TKTL1: variants seen among roughly 807,000 people sequenced by gnomAD.
TKTL1 encodes the protein transketolase like 1.
A neutral mutation model predicts 39.3 loss-of-function variants in TKTL1; 1 was observed. That is an observed-to-expected ratio of 0.03 (90% confidence interval 0.01 to 0.12). The LOEUF is 0.12. Ranked by LOEUF, TKTL1 falls within the 10% of genes least tolerant of loss-of-function variation. TKTL1 has a pLI of 1.00. For synonymous variants in TKTL1, 262 were observed against 193.8 expected (o/e 1.35, Z -2.92); for missense variants, 575 against 509.6 (o/e 1.13, Z -1.24).
intron 2 of TKTL1, among the ~76,000 whole-genome samples, chrX:154,308,241 G>A (rs962963507): frequency 1.1e-4 from 12 of 112,128 alleles, no homozygotes; most frequent in Non-Finnish European, 3.8e-5. Flanking sequence ...GCAGGGATTT[G>A]GAAGAGGCAG....
intron 6 of TKTL1, among the ~76,000 whole-genome samples, chrX:154,314,674 G>A (rs1375585431): frequency 9.0e-6 from 1 of 110,746 alleles, no homozygotes; most frequent in Non-Finnish European, 1.9e-5. Context: ...ACAGGCTCCC[G>A]CCATCATGCC....
chrX:154,320,672 A>G, intron 7 of TKTL1, 85 bp from the exon 8 acceptor site: 1 of 963,397 alleles, frequency 1.0e-6, no homozygotes, highest in Non-Finnish European at 1.5e-6. Flanking sequence ...CAGGTGCAGA[A>G]TGGGAGTTAT....
intron 1 of TKTL1, among the ~76,000 whole-genome samples, chrX:154,303,090 A>G (rs1328022320): frequency 2.7e-5 from 3 of 111,125 alleles, no homozygotes; most frequent in Admixed American, 9.6e-5. Context: ...AGCGCACAAA[A>G]TAACACCCTG....
intron 2 of TKTL1, among the ~76,000 whole-genome samples, chrX:154,308,274 C>T (rs782765036): frequency 8.9e-6 from 1 of 111,863 alleles, no homozygotes; most frequent in East Asian, 2.8e-4. Context: ...TGCCCACATC[C>T]ACGCACAAGC....
At chrX:154,304,968 C>T (rs1557166847) in intron 1 of TKTL1, 15 of 977,967 alleles carry the variant, frequency 1.5e-5, no homozygotes, top group Non-Finnish European at 1.9e-5. Context: ...ATTTCTGATT[C>T]ACAATGCTCC....
intron 10 of TKTL1, among the ~76,000 whole-genome samples, chrX:154,325,835 A>G (rs1248659231): frequency 9.0e-6 from 1 of 111,359 alleles, no homozygotes; most frequent in African/African-American, 3.3e-5. Context: ...AATTTTTTAA[A>G]CTAGCCGGGT....
chrX:154,307,738 C>T (rs1170917124), intron 2 of TKTL1, among the ~76,000 whole-genome samples: 1 of 112,545 alleles, frequency 8.9e-6, no homozygotes, highest in Non-Finnish European at 1.9e-5. Context: ...AGGCTCGGTC[C>T]ATTATGTTAT....
intron 7 of TKTL1, chrX:154,320,441 C>T (rs1468518835): frequency 3.4e-6 from 1 of 294,299 alleles, no homozygotes; most frequent in Non-Finnish European, 6.0e-6. Flanking sequence ...CTGGAGACCC[C>T]TGTGAGAAAG....
chrX:154,319,223 C>G (rs1276494988), intron 7 of TKTL1, among the ~76,000 whole-genome samples: 1 of 112,450 alleles, frequency 8.9e-6, no homozygotes, highest in Non-Finnish European at 1.9e-5. Context: ...GTCAAAAAAT[C>G]ACATAGTGAT....
At position 154,311,202 on chromosome X, in the gene TKTL1, G is replaced by C. The variant is rs1353562265; in HGVS notation, c.634G>C (p.Val212Leu). ...ASQVKHKPTA[V>L]VAKTFKGRGT... The stretch of plus-strand genomic sequence containing the variant: ...TCAGGTGAAGCACAAGCCCACTGCT[G>C]TGGTGGCCAAGACCTTCAAGGGCCG... Residue 212 changes from valine to leucine, a missense_variant, in exon 5 of 13, where the codon GTG becomes CTG. Transcript: ENST00000369915. The C allele has an allele frequency of 8.3e-7, 1 of 1,210,601 alleles. No individual in the cohort carries two copies. The highest frequency in any genetic ancestry group is 1.1e-6 in the Non-Finnish European group (1 of 895,346).
At chrX:154,304,913 C>T (rs2067302867) in intron 1 of TKTL1, 6 of 787,335 alleles carry the variant, frequency 7.6e-6, no homozygotes, top group Non-Finnish European at 1.0e-5. Context: ...CCGTTCACTT[C>T]CTAAAAGAAA....
chrX:154,313,063 T>C (rs1557168734), intron 6 of TKTL1, among the ~76,000 whole-genome samples: 1 of 112,158 alleles, frequency 8.9e-6, no homozygotes, highest in African/African-American at 3.2e-5. Flanking sequence ...TTGCACCCAG[T>C]AGGTACTTGA....
intron 7 of TKTL1, among the ~76,000 whole-genome samples, chrX:154,316,854 C>T (rs1431863578): frequency 1.8e-5 from 2 of 108,489 alleles, no homozygotes; most frequent in Non-Finnish European, 3.8e-5. Context: ...ACTGCAACCT[C>T]TGCCTCCCAG....
At chrX:154,306,493 T>C (rs781834513) in intron 2 of TKTL1, among the ~76,000 whole-genome samples, 1 of 112,086 alleles carries the variant, frequency 8.9e-6, no homozygotes, top group South Asian at 3.7e-4. Context: ...AGAATTTACA[T>C]GTGTACGCGC....
chrX:154,328,545 C>CAAAAA (rs59136064), intron 12 of TKTL1, among the ~76,000 whole-genome samples: 1 of 15,322 alleles, frequency 6.5e-5, no homozygotes. Flanking sequence ...GACTCTGCCT[C>CAAAAA]AAAAAAAAAA....
chrX:154,325,608 C>T (rs1255439852), intron 10 of TKTL1, among the ~76,000 whole-genome samples, 186 bp downstream of exon 10: 1 of 112,428 alleles, frequency 8.9e-6, no homozygotes, highest in East Asian at 2.8e-4. Flanking sequence ...TTCAGCTTAG[C>T]CTGAACTTTT....
intron 1 of TKTL1, among the ~76,000 whole-genome samples, chrX:154,297,857 A>T (rs2148797235): frequency 8.9e-6 from 1 of 111,901 alleles, no homozygotes; most frequent in East Asian, 2.8e-4. Context: ...GTGAACTAAG[A>T]TTGTGCCACT....
intron 10 of TKTL1, among the ~76,000 whole-genome samples, chrX:154,326,390 C>T (rs1569551175): frequency 8.9e-6 from 1 of 112,398 alleles, no homozygotes; most frequent in Non-Finnish European, 1.9e-5. Context: ...TCCTTCCTGT[C>T]TTTGTTCTAG....
At chrX:154,327,099 G>C (rs782479166) in intron 10 of TKTL1, 1 of 217,071 alleles carries the variant, frequency 4.6e-6, no homozygotes, top group African/African-American at 2.9e-5. Flanking sequence ...TGTCGAGAGC[G>C]AGGGCTTTGA....
Sources: allele counts gnomAD v4.1 joint callset (sites outside exome capture counted in the v4.1 genomes callset), GRCh38; gene constraint gnomAD v4.1.1; transcripts MANE v1.5; gene names NCBI Gene and HGNC (gene_info 2026-07-23, HGNC 2026-07-21).